Variants in HCN1 observed in about 807,000 individuals in gnomAD.
The protein encoded by HCN1 is hyperpolarization activated cyclic nucleotide gated potassium channel 1.
HCN1 carries 13 observed loss-of-function variants against 78.9 expected under a neutral mutation model. The ratio of observed to expected loss-of-function variants is 0.16; its 90% CI spans 0.11 to 0.26. HCN1 has a LOEUF of 0.26. Ranked by LOEUF, HCN1 falls within the 10% of genes least tolerant of loss-of-function variation. The pLI, the probability that HCN1 is intolerant of heterozygous loss-of-function variation, is 1.00. For missense variants in HCN1, 810 were observed against 1,154.3 expected, an observed-to-expected ratio of 0.70 and a Z score of 4.32; for synonymous variants, 552 against 455.5, an observed-to-expected ratio of 1.21 and a Z score of -2.70.
At chr5:45,279,187 A>G (rs907233191) in intron 6 of HCN1, among the ~76,000 whole-genome samples, 3 of 152,176 alleles carry the variant, frequency 2.0e-5, no homozygotes, top group Non-Finnish European at 4.4e-5. Context: ...CAAACAGTCC[A>G]ACAGGTTATC....
intron 1 of HCN1, chr5:45,695,222 G>T (rs1259557077): frequency 5.5e-6 from 1 of 182,384 alleles, no homozygotes; most frequent in Non-Finnish European, 1.1e-5. Flanking sequence ...CGCTGTCTCC[G>T]GTTACCCAGT....
At chr5:45,368,286 A>G (rs1747275889) in intron 4 of HCN1, among the ~76,000 whole-genome samples, 1 of 152,046 alleles carries the variant, frequency 6.6e-6, no homozygotes, top group East Asian at 1.9e-4. Context: ...TTAAGGAGAC[A>G]CATTTAATCC....
chr5:45,394,447 G>A (rs1188041062), intron 4 of HCN1, among the ~76,000 whole-genome samples: 1 of 152,108 alleles, frequency 6.6e-6, no homozygotes. Flanking sequence ...CACCAAAGAA[G>A]CTGCACATTA....
At chr5:45,411,565 A>T (rs1740024690) in intron 3 of HCN1, among the ~76,000 whole-genome samples, 1 of 140,952 alleles carries the variant, frequency 7.1e-6, no homozygotes, top group Non-Finnish European at 1.6e-5. Flanking sequence ...TCATGAGGAT[A>T]TTCTAGCTAT....
At chr5:45,620,413 GAA>G (rs1554036101) in intron 2 of HCN1, among the ~76,000 whole-genome samples, 1 of 151,808 alleles carries the variant, frequency 6.6e-6, no homozygotes, top group Admixed American at 6.6e-5. Flanking sequence ...GAAGCTGAGT[GAA>G]AGTTATGTAA....
At chr5:45,403,291 A>G (rs776607408) in intron 3 of HCN1, among the ~76,000 whole-genome samples, 4 of 152,132 alleles carry the variant, frequency 2.6e-5, no homozygotes, top group African/African-American at 4.8e-5. Context: ...CTCCTCCATC[A>G]TACCTACATA....
At chr5:45,551,252 C>T (rs956024401) in intron 2 of HCN1, among the ~76,000 whole-genome samples, 9 of 151,862 alleles carry the variant, frequency 5.9e-5, no homozygotes, top group Non-Finnish European at 8.8e-5. Context: ...TCAGTAAGCA[C>T]TAATAGACAG....
intron 4 of HCN1, among the ~76,000 whole-genome samples, chr5:45,372,904 CTATACATAAAAATATACACGTATTT>C (rs1747449823): frequency 7.2e-6 from 1 of 139,420 alleles, no homozygotes; most frequent in East Asian, 2.1e-4. Context: ...TGTACGTATT[CTATACATAAAAATATACACGTATTT>C]TATACATAAA....
At chr5:45,593,701 G>A (rs918297205) in intron 2 of HCN1, among the ~76,000 whole-genome samples, 1 of 151,466 alleles carries the variant, frequency 6.6e-6, no homozygotes, top group Non-Finnish European at 1.5e-5. Flanking sequence ...TAAAGACAGA[G>A]TCTTGCTCTT....
intron 3 of HCN1, among the ~76,000 whole-genome samples, chr5:45,459,931 TAAGTA>T (rs1461965430): frequency 3.3e-5 from 5 of 152,090 alleles, no homozygotes; most frequent in African/African-American, 1.2e-4. Context: ...TTCAAAAAGA[TAAGTA>T]AAGTGACAGA....
At position 45,550,869 on chromosome 5, in the gene HCN1, A is replaced by T. The variant is rs1483689219; in HGVS notation, c.850-88862T>A. Among the ~76,000 whole-genome samples, 5 of 151,996 alleles carry T rather than the reference A, an allele frequency of 3.3e-5. 1 individual carries two copies. Among genetic ancestry groups the T allele is most frequent in the Non-Finnish European group, 7.4e-5 (5 of 67,946 alleles). On this transcript the variant is annotated intron_variant, in intron 2 of 7. Transcript: ENST00000303230. ...AGAGAAGTATAAAACTCATTTGTAT[A>T]TTAAAGTTTTCTTTAATGTAGTTTC... is the stretch of plus-strand genomic sequence containing the variant.
intron 4 of HCN1, among the ~76,000 whole-genome samples, chr5:45,373,827 G>A (rs924988024): frequency 5.0e-5 from 6 of 119,576 alleles, no homozygotes; most frequent in Non-Finnish European, 1.0e-4. Flanking sequence ...CGGTATATAC[G>A]TCATCTATAA....
chr5:45,341,412 C>G (rs1023047953), intron 5 of HCN1, among the ~76,000 whole-genome samples: 17 of 152,188 alleles, frequency 1.1e-4, no homozygotes, highest in Admixed American at 2.0e-4. Flanking sequence ...CCATTGCAGC[C>G]AGATCAGCTG....
chr5:45,338,583 G>C (rs1023934672), intron 5 of HCN1, among the ~76,000 whole-genome samples: 2 of 151,818 alleles, frequency 1.3e-5, no homozygotes, highest in Non-Finnish European at 2.9e-5. Context: ...GTCATTCAAT[G>C]TCTTCTATGT....
intron 2 of HCN1, among the ~76,000 whole-genome samples, chr5:45,572,354 C>T (rs1032278542): frequency 6.6e-6 from 1 of 152,052 alleles, no homozygotes; most frequent in Non-Finnish European, 1.5e-5. Flanking sequence ...TATCTTTATG[C>T]TTAGTCCATT....
At chr5:45,600,020 G>C (rs978182827) in intron 2 of HCN1, among the ~76,000 whole-genome samples, 1 of 152,034 alleles carries the variant, frequency 6.6e-6, no homozygotes, top group African/African-American at 2.4e-5. Context: ...GGTTTCAGCA[G>C]GCTAAAGACT....
In HCN1 at chr5:45,489,688, G is replaced by A. The variant is rs187666675; in HGVS notation, c.850-27681C>T. On this transcript the variant is annotated intron_variant, in intron 2 of 7. Coordinates refer to ENST00000303230, the MANE Select transcript of HCN1 (RefSeq NM_021072.4). ...GTATTTAGCATGGTCAGCTTATAAC[G>A]AGTCAATCTATGATGAGCCAGGCAT... Among the ~76,000 whole-genome samples the A allele has an allele frequency of 1.7e-3, 262 of 152,192 alleles. 1 individual carries two copies. Among genetic ancestry groups the A allele is most frequent in the African/African-American group, 5.9e-3 (243 of 41,538 alleles).
At chr5:45,562,209 A>G (rs1298304895) in intron 2 of HCN1, among the ~76,000 whole-genome samples, 3 of 152,118 alleles carry the variant, frequency 2.0e-5, no homozygotes, top group African/African-American at 4.8e-5. Flanking sequence ...GGTTAACAAC[A>G]GAATGGTATG....
At chr5:45,616,438 T>C (rs144874884) in intron 2 of HCN1, among the ~76,000 whole-genome samples, 23 of 152,140 alleles carry the variant, frequency 1.5e-4, no homozygotes, top group Middle Eastern at 3.4e-3. Context: ...ACTAATATCA[T>C]GTACTGATTT....
Sources: allele counts gnomAD v4.1 joint callset (sites outside exome capture counted in the v4.1 genomes callset), GRCh38; gene constraint gnomAD v4.1.1; transcripts MANE v1.5; gene names NCBI Gene and HGNC (gene_info 2026-07-23, HGNC 2026-07-21).